IQCJ: variants seen among roughly 807,000 people sequenced by gnomAD.
IQCJ encodes IQ domain-containing protein J.
In IQCJ, 9 loss-of-function variants were observed where a neutral mutation model predicts 11.0. The ratio of observed to expected loss-of-function variants is 0.82; its 90% CI spans 0.49 to 1.43. IQCJ has a LOEUF of 1.43. Among genes scored for constraint, IQCJ ranks in the 40% most tolerant of loss-of-function variants. The pLI is 0.00. For synonymous variants in IQCJ, 55 were observed against 51.3 expected (o/e 1.07, Z -0.31); for missense variants, 146 against 133.2 (o/e 1.10, Z -0.47).
At chr3:159,153,397 C>A (rs1057402145) in intron 1 of IQCJ, among the ~76,000 whole-genome samples, 2 of 152,172 alleles carry the variant, frequency 1.3e-5, no homozygotes, top group Non-Finnish European at 1.5e-5. Flanking sequence ...TGAGTTATTG[C>A]ATCTATGAAT....
At chr3:159,121,062 G>A (rs1443454626) in intron 1 of IQCJ, among the ~76,000 whole-genome samples, 6 of 151,986 alleles carry the variant, frequency 3.9e-5, no homozygotes, top group African/African-American at 7.2e-5. Flanking sequence ...CAATCTCCTT[G>A]GCCATAACTA....
intron 1 of IQCJ, among the ~76,000 whole-genome samples, chr3:159,188,067 C>T (rs1420658265): frequency 1.3e-5 from 2 of 152,156 alleles, no homozygotes; most frequent in Admixed American, 6.5e-5. Flanking sequence ...GTTATGGATG[C>T]CTCTGCCACC....
chr3:159,075,239 A>G (rs900469979), intron 1 of IQCJ, among the ~76,000 whole-genome samples: 5 of 152,174 alleles, frequency 3.3e-5, no homozygotes, highest in East Asian at 1.9e-4. Flanking sequence ...ACTGAACAAC[A>G]TAACAGTCAC....
At chr3:159,258,712 T>TA (rs1338269226) in intron 3 of IQCJ, among the ~76,000 whole-genome samples, 2 of 152,148 alleles carry the variant, frequency 1.3e-5, no homozygotes, top group Non-Finnish European at 2.9e-5. Flanking sequence ...TGGTAACATA[T>TA]AAAAAATAGT....
At chr3:159,189,633 C>A (rs949665580) in intron 1 of IQCJ, among the ~76,000 whole-genome samples, 3 of 152,174 alleles carry the variant, frequency 2.0e-5, no homozygotes, top group Admixed American at 6.5e-5. Context: ...ATACTCCCAC[C>A]CACCACAGCA....
chr3:159,264,648 A>G (rs530561158), downstream of IQCJ, among the ~76,000 whole-genome samples: 2 of 152,318 alleles, frequency 1.3e-5, no homozygotes, highest in Admixed American at 6.5e-5. Context: ...GTGAGAATCA[A>G]TGCCTGTAAT....
intron 1 of IQCJ, among the ~76,000 whole-genome samples, chr3:159,167,584 G>A (rs2108231306): frequency 6.6e-6 from 1 of 152,254 alleles, no homozygotes; most frequent in African/African-American, 2.4e-5. Flanking sequence ...ATATTTAAGT[G>A]GACATTTAAA....
At chr3:159,170,004 C>G (rs1451245866) in intron 1 of IQCJ, among the ~76,000 whole-genome samples, 1 of 152,178 alleles carries the variant, frequency 6.6e-6, no homozygotes, top group Non-Finnish European at 1.5e-5. Context: ...TCTGGTGACT[C>G]AGTCCTAGAA....
At chr3:159,075,826 G>A (rs1715875665) in intron 1 of IQCJ, among the ~76,000 whole-genome samples, 1 of 152,088 alleles carries the variant, frequency 6.6e-6, no homozygotes, top group Non-Finnish European at 1.5e-5. Context: ...AACTGCTAGA[G>A]AGGCTTGATA....
chr3:159,094,654 G>A (rs1717601317), intron 1 of IQCJ, among the ~76,000 whole-genome samples: 1 of 151,562 alleles, frequency 6.6e-6, no homozygotes, highest in Non-Finnish European at 1.5e-5. Context: ...GAGAATACAG[G>A]GAATCCTTGT....
chr3:159,089,285 A>G (rs1717049796), intron 1 of IQCJ, among the ~76,000 whole-genome samples: 1 of 152,150 alleles, frequency 6.6e-6, no homozygotes, highest in Non-Finnish European at 1.5e-5. Context: ...CTGCCGAAAG[A>G]TCCGCTGTTA....
intron 1 of IQCJ, among the ~76,000 whole-genome samples, chr3:159,139,415 C>G (rs994036311): frequency 8.5e-5 from 13 of 152,190 alleles, no homozygotes; most frequent in Non-Finnish European, 1.5e-4. Flanking sequence ...ACCCCAACTT[C>G]TCACTCCTGG....
chr3:159,255,768 G>A (rs147876061), intron 3 of IQCJ, among the ~76,000 whole-genome samples: 57 of 152,306 alleles, frequency 3.7e-4, no homozygotes, highest in African/African-American at 1.3e-3. Context: ...AATCAAGATC[G>A]TATGGCTATT....
chr3:159,227,018 C>A (rs1342470432), intron 1 of IQCJ, among the ~76,000 whole-genome samples: 1 of 152,162 alleles, frequency 6.6e-6, no homozygotes, highest in African/African-American at 2.4e-5. Flanking sequence ...TTGCTTCCAG[C>A]TAATACCAGA....
At chr3:159,193,434 A>T (rs1443202229) in intron 1 of IQCJ, among the ~76,000 whole-genome samples, 2 of 152,170 alleles carry the variant, frequency 1.3e-5, no homozygotes, top group African/African-American at 4.8e-5. Context: ...TTGATATGTG[A>T]TAGGAGCAGT....
At chr3:159,090,381 G>A (rs1189624408) in intron 1 of IQCJ, among the ~76,000 whole-genome samples, 1 of 151,816 alleles carries the variant, frequency 6.6e-6, no homozygotes, top group East Asian at 1.9e-4. Flanking sequence ...GCTCACGCTG[G>A]GAGCTGTAGA....
chr3:159,188,123 T>C (rs1034644978), intron 1 of IQCJ, among the ~76,000 whole-genome samples: 3 of 152,172 alleles, frequency 2.0e-5, no homozygotes, highest in African/African-American at 7.2e-5. Context: ...TTTAAAAAAA[T>C]ACTTTGGCCG....
chr3:159,069,604 T>C, intron 1 of IQCJ, 163 bp downstream of exon 1: 1 of 930,014 alleles, frequency 1.1e-6, no homozygotes, highest in Non-Finnish European at 1.6e-6. Flanking sequence ...TGCGTGTGCA[T>C]GTGTCCTTGT....
intron 1 of IQCJ, among the ~76,000 whole-genome samples, chr3:159,185,313 TA>T (rs1365764887): frequency 2.0e-5 from 3 of 152,160 alleles, no homozygotes; most frequent in African/African-American, 7.2e-5. Flanking sequence ...TGGTAGAATC[TA>T]AACACTCTTT....
Sources: allele counts gnomAD v4.1 joint callset (sites outside exome capture counted in the v4.1 genomes callset), GRCh38; gene constraint gnomAD v4.1.1; transcripts MANE v1.5; gene names NCBI Gene and HGNC (gene_info 2026-07-23, HGNC 2026-07-21).